The following GRM7 variants were observed in gnomAD, a reference collection of about 807,000 sequenced individuals.
GRM7 encodes the protein metabotropic glutamate receptor 7.
A neutral mutation model predicts 84.5 loss-of-function variants in GRM7; 35 were observed. That is an observed-to-expected ratio of 0.41 (90% CI 0.32 to 0.55). The LOEUF (loss-of-function observed/expected upper bound fraction) is 0.55. Among genes scored for constraint, GRM7 ranks in the 20% least tolerant of loss-of-function variants. The pLI is 0.19. For missense variants in GRM7, 1,003 were observed against 1,194.6 expected, an observed-to-expected ratio of 0.84 and a Z score of 2.36; for synonymous variants, 487 against 455.1, an observed-to-expected ratio of 1.07 and a Z score of -0.89.
chr3:7,044,751 A>G (rs1696741636), intron 1 of GRM7, among the ~76,000 whole-genome samples: 1 of 151,994 alleles, frequency 6.6e-6, no homozygotes, highest in African/African-American at 2.4e-5. Context: ...CTTAAGTTGC[A>G]CTGACTGAGG....
rs181334564 is a variant in GRM7, at chr3:7,616,962, G to A, written c.2451+37605G>A. Among the ~76,000 whole-genome samples the A allele has an allele frequency of 4.0e-3, 607 of 152,068 alleles. 11 individuals are homozygous for A. The highest frequency in any genetic ancestry group is 0.033 in the Admixed American group (501 of 15,268). On this transcript the variant is annotated intron_variant, in intron 8 of 9. Coordinates refer to ENST00000357716, the MANE Select transcript of GRM7 (RefSeq NM_000844.4). ...AATTAAACTAAGTCTAAAGTTAACCGGGAAGAAGAAAATAATAAAGACAAG... is the reference window on the plus strand; with the variant it reads ...AATTAAACTAAGTCTAAAGTTAACCAGGAAGAAGAAAATAATAAAGACAAG...
At chr3:7,300,570 TTATTC>T (rs1301197629) in intron 3 of GRM7, among the ~76,000 whole-genome samples, 1 of 152,084 alleles carries the variant, frequency 6.6e-6, no homozygotes, top group Non-Finnish European at 1.5e-5. Flanking sequence ...CTTTCTAGTC[TTATTC>T]TATTCCAAAT....
intron 8 of GRM7, among the ~76,000 whole-genome samples, chr3:7,672,448 GA>G (rs1699955082): frequency 6.6e-6 from 1 of 152,098 alleles, no homozygotes; most frequent in South Asian, 2.1e-4. Flanking sequence ...TAGTCACTGG[GA>G]TTTCATAAGA....
At position 7,322,334 on chromosome 3, in the gene GRM7, T is replaced by G. The variant is rs181643497; in HGVS notation, c.1033+15682T>G. Reference sequence around the variant, plus strand: ...ACATAAGAATATATCTGCTGAAATTTGGATTTCATTATAAGAGCTATCTGA... The same window carrying G: ...ACATAAGAATATATCTGCTGAAATTGGGATTTCATTATAAGAGCTATCTGA... On this transcript the variant is annotated intron_variant, in intron 4 of 9. Coordinates refer to ENST00000357716, the MANE Select transcript of GRM7 (RefSeq NM_000844.4). Among the ~76,000 whole-genome samples the G allele has an allele frequency of 3.0e-3, 462 of 152,244 alleles. 4 individuals are homozygous for G. Among genetic ancestry groups the G allele is most frequent in the African/African-American group, 0.011 (439 of 41,560 alleles).
rs1298547592 is a variant in GRM7 at position 7,093,703 on chromosome 3, AAAAAAAAAAAAG to A, written c.520-52748_520-52737del. 1.8e-3 allele frequency among the ~76,000 whole-genome samples: 172 copies of A among 94,500 alleles called. 10 individuals carry two copies. Among genetic ancestry groups the A allele is most frequent in the African/African-American group, 2.2e-3 (52 of 24,040 alleles). The allele number at this position is 94,500 out of a possible 152,430, so 62.0% of individuals were successfully genotyped here. ...AAAAAAAAAAAAAAAAAAAAAAAAAAAAAAAAAAAAAGGTAGTTAGTGGCCTTTGCTCTTTTA... is the reference window on the plus strand; with the variant it reads ...AAAAAAAAAAAAAAAAAAAAAAAAAAGTAGTTAGTGGCCTTTGCTCTTTTA... On this transcript the variant is annotated intron_variant, in intron 1 of 9. Coordinates refer to ENST00000357716, the MANE Select transcript of GRM7 (RefSeq NM_000844.4).
chr3:7,304,655 T>C (rs983920721), intron 3 of GRM7, among the ~76,000 whole-genome samples: 1 of 152,100 alleles, frequency 6.6e-6, no homozygotes, highest in African/African-American at 2.4e-5. Context: ...TCCAACTTTT[T>C]GTTGTTTTGC....
chr3:7,404,672 A>G (rs1695598131), intron 4 of GRM7, among the ~76,000 whole-genome samples: 1 of 152,156 alleles, frequency 6.6e-6, no homozygotes, highest in South Asian at 2.1e-4. Flanking sequence ...GCATAGGGAA[A>G]TAACAACTGT....
intron 1 of GRM7, among the ~76,000 whole-genome samples, chr3:7,103,630 A>T (rs1203143167): frequency 6.6e-6 from 1 of 151,538 alleles, no homozygotes; most frequent in African/African-American, 2.4e-5. Flanking sequence ...ATATTTTCCT[A>T]TCTCTACTTC....
chr3:6,987,887 A>G lies in GRM7; in HGVS notation c.519+125980A>G, dbSNP rs77891547. On this transcript the variant is annotated intron_variant, in intron 1 of 9. Coordinates refer to ENST00000357716, the MANE Select transcript of GRM7 (RefSeq NM_000844.4). ...TGGTAGCCATGGAGGCCATTCCAGA[A>G]GAAGAGCAAATTATTTAAAAAGAAA... Among the ~76,000 whole-genome samples the G allele has an allele frequency of 3.4e-3, 513 of 152,228 alleles. 2 individuals are homozygous for G. The highest frequency in any genetic ancestry group is 4.0e-3 in the Non-Finnish European group (270 of 68,004).
At chr3:7,667,330 G>A (rs1165766670) in intron 8 of GRM7, among the ~76,000 whole-genome samples, 1 of 151,466 alleles carries the variant, frequency 6.6e-6, no homozygotes, top group Non-Finnish European at 1.5e-5. Context: ...ATGGAAATGA[G>A]AATAACATTT....
intron 1 of GRM7, among the ~76,000 whole-genome samples, chr3:6,897,212 G>A (rs545389925): frequency 2.6e-5 from 4 of 152,182 alleles, no homozygotes; most frequent in Non-Finnish European, 5.9e-5. Context: ...AGCTTCTTTA[G>A]TTATTGTGTA....
At chr3:7,096,856 AAGACC>A (rs1269067015) in intron 1 of GRM7, among the ~76,000 whole-genome samples, 2 of 152,194 alleles carry the variant, frequency 1.3e-5, no homozygotes, top group Non-Finnish European at 2.9e-5. Flanking sequence ...ACCAAGGACA[AAGACC>A]AGATATATTC....
intron 9 of GRM7, among the ~76,000 whole-genome samples, chr3:7,712,019 G>A (rs1701596473): frequency 6.6e-6 from 1 of 152,166 alleles, no homozygotes; most frequent in Admixed American, 6.5e-5. Flanking sequence ...ACAGCAGACT[G>A]CGCTGTACCC....
rs148480044 is a variant in GRM7 at position 6,894,639 on chromosome 3, A to T, written c.519+32732A>T. Among the ~76,000 whole-genome samples the T allele has an allele frequency of 5.9e-5, 9 of 152,268 alleles. No individual in the cohort carries two copies. In the East Asian group the frequency reaches 1.7e-3, roughly 29 times the overall value. ...GCATACACACATGTGCACACATATA[A>T]GTAAAATTTCAACTTGCATCCTCAG... On this transcript the variant is annotated intron_variant, in intron 1 of 9. Transcript: ENST00000357716.
intron 7 of GRM7, among the ~76,000 whole-genome samples, chr3:7,545,494 C>T (rs773583177): frequency 3.3e-5 from 5 of 152,204 alleles, no homozygotes; most frequent in Admixed American, 1.3e-4. Flanking sequence ...CCTGAAAGCC[C>T]TCTGTAGGCA....
intron 7 of GRM7, among the ~76,000 whole-genome samples, chr3:7,552,623 A>C (rs1054688100): frequency 6.6e-6 from 1 of 152,174 alleles, no homozygotes; most frequent in African/African-American, 2.4e-5. Context: ...CGCAGGCCCA[A>C]CATCATGTGG....
intron 1 of GRM7, among the ~76,000 whole-genome samples, chr3:7,100,350 G>T (rs976913759): frequency 6.6e-6 from 1 of 151,592 alleles, no homozygotes; most frequent in Non-Finnish European, 1.5e-5. Flanking sequence ...GTGTTAATTG[G>T]CACCCCTGCA....
chr3:7,022,563 A>T (rs553663840), intron 1 of GRM7, among the ~76,000 whole-genome samples: 115 of 152,208 alleles, frequency 7.6e-4, no homozygotes, highest in African/African-American at 2.2e-3. Context: ...TCAGAAAAAA[A>T]ACTGACCTTT....
chr3:7,620,467 G>A (rs1293107178), intron 8 of GRM7, among the ~76,000 whole-genome samples: 1 of 152,080 alleles, frequency 6.6e-6, no homozygotes, highest in African/African-American at 2.4e-5. Flanking sequence ...TATAGCCATA[G>A]CTATATTACT....
Sources: allele counts gnomAD v4.1 joint callset (sites outside exome capture counted in the v4.1 genomes callset), GRCh38; gene constraint gnomAD v4.1.1; transcripts MANE v1.5; gene names NCBI Gene and HGNC (gene_info 2026-07-23, HGNC 2026-07-21).